The following PPP1R12A variants were observed in gnomAD, a reference collection of about 807,000 sequenced individuals.
PPP1R12A encodes protein phosphatase 1 regulatory subunit 12A, also known as myosin binding subunit.
A neutral mutation model predicts 139.6 loss-of-function variants in PPP1R12A; 19 were observed. The observed-to-expected ratio is 0.14, with a 90% CI of 0.09 to 0.20. PPP1R12A has a LOEUF of 0.20. Ranked by LOEUF, PPP1R12A falls within the 10% of genes least tolerant of loss-of-function variation. The pLI is 1.00. For missense variants in PPP1R12A, 925 were observed against 1,211.5 expected (o/e 0.76, Z 3.51); for synonymous variants, 427 against 420.6 (o/e 1.02, Z -0.19).
At chr12:79,795,092 T>C (rs1872361750) in intron 18 of PPP1R12A, among the ~76,000 whole-genome samples, 1 of 152,114 alleles carries the variant, frequency 6.6e-6, no homozygotes, top group Non-Finnish European at 1.5e-5. Flanking sequence ...ATTATGTTTC[T>C]AAACATGCCA....
At chr12:79,807,124 C>A in intron 12 of PPP1R12A, 102 bp downstream of exon 12, 1 of 619,198 alleles carries the variant, frequency 1.6e-6, no homozygotes, top group Non-Finnish European at 2.7e-6. Flanking sequence ...TTAATAAAAA[C>A]ACATATTTGT....
At chr12:79,876,317 G>C (rs1254811009) in intron 1 of PPP1R12A, among the ~76,000 whole-genome samples, 1 of 152,180 alleles carries the variant, frequency 6.6e-6, no homozygotes, top group East Asian at 1.9e-4. Flanking sequence ...CTGAGAGCAG[G>C]AATTCTGCTG....
intron 5 of PPP1R12A, 87 bp downstream of exon 5, chr12:79,828,233 T>C (rs1365371068): frequency 3.4e-6 from 4 of 1,179,756 alleles, no homozygotes; most frequent in Non-Finnish European, 4.6e-6. Flanking sequence ...GTAATCCTTA[T>C]AACCTTTTGA....
intron 1 of PPP1R12A, among the ~76,000 whole-genome samples, chr12:79,897,283 A>T (rs1885215951): frequency 6.6e-6 from 1 of 152,224 alleles, no homozygotes; most frequent in South Asian, 2.1e-4. Context: ...TCCTAATTGA[A>T]TTAATGCAGG....
chr12:79,847,159 A>G (rs1208501000), intron 2 of PPP1R12A, among the ~76,000 whole-genome samples: 1 of 152,204 alleles, frequency 6.6e-6, no homozygotes, highest in African/African-American at 2.4e-5. Context: ...TACCTCTGCC[A>G]TAAATTTATA....
intron 4 of PPP1R12A, among the ~76,000 whole-genome samples, chr12:79,830,446 A>G (rs964400793): frequency 1.3e-5 from 2 of 152,150 alleles, no homozygotes; most frequent in African/African-American, 4.8e-5. Flanking sequence ...ATTATAAACA[A>G]TGCTGCTAGC....
intron 9 of PPP1R12A, among the ~76,000 whole-genome samples, chr12:79,816,976 T>C (rs1335150529): frequency 6.6e-6 from 1 of 152,136 alleles, no homozygotes; most frequent in Non-Finnish European, 1.5e-5. Flanking sequence ...GGTAGTAGTA[T>C]TTGTAATTTA....
intron 1 of PPP1R12A, among the ~76,000 whole-genome samples, chr12:79,912,692 T>TTA (rs1886676399): frequency 7.4e-6 from 1 of 134,308 alleles, no homozygotes; most frequent in African/African-American, 2.7e-5. Context: ...AAGCCTGATT[T>TTA]AAAAAAAAAA....
intron 2 of PPP1R12A, among the ~76,000 whole-genome samples, chr12:79,856,284 A>G (rs1472652772): frequency 6.6e-6 from 1 of 152,150 alleles, no homozygotes; most frequent in African/African-American, 2.4e-5. Flanking sequence ...ATATTCCACT[A>G]ATGCCTTCTC....
intron 3 of PPP1R12A, among the ~76,000 whole-genome samples, chr12:79,843,705 G>T (rs1235839476): frequency 6.6e-6 from 1 of 151,064 alleles, no homozygotes; most frequent in Non-Finnish European, 1.5e-5. Context: ...GGAGTTGCTG[G>T]ATCATTTTTT....
At position 79,877,608 on chromosome 12, in the gene PPP1R12A, C is replaced by T. The variant is rs577155997; in HGVS notation, c.238-4670G>A. 3.0e-4 allele frequency among the ~76,000 whole-genome samples: 46 copies of T among 152,298 alleles called. 1 individual carries two copies. In the South Asian group the frequency reaches 8.1e-3, roughly 27 times the overall value. ...TCGGCTCAATGCAACCTCCGCCTCC[C>T]GGGTTCAACCGATCCTCTTGCATCA... On this transcript the variant is annotated intron_variant, in intron 1 of 24. Transcript: ENST00000450142.
chr12:79,790,207 G>C (rs2137003740), intron 20 of PPP1R12A, among the ~76,000 whole-genome samples: 1 of 152,212 alleles, frequency 6.6e-6, no homozygotes, highest in South Asian at 2.1e-4. Context: ...TGTTAATAAT[G>C]AGATAGTTGA....
Position 79,807,341 on chromosome 12 carries a change from AAC to A in PPP1R12A, c.1551-13_1551-12del. ...AAACTTGAAGAATCTCTGTTAAAAGAACACCCTTCAGATTCTGGTACATAATT... is the reference window on the plus strand; with the variant it reads ...AAACTTGAAGAATCTCTGTTAAAAGAACCCTTCAGATTCTGGTACATAATT... On this transcript the variant is annotated splice_polypyrimidine_tract_variant and intron_variant, in intron 11 of 24. Transcript: ENST00000450142. The A allele has an allele frequency of 6.9e-7, 1 of 1,457,414 alleles. No individual in the cohort carries two copies. The highest frequency in any genetic ancestry group is 9.4e-7 in the Non-Finnish European group (1 of 1,063,566). The allele number at this position is 1,457,414 out of a possible 1,614,324, so 90.3% of individuals were successfully genotyped here.
intron 9 of PPP1R12A, among the ~76,000 whole-genome samples, chr12:79,816,469 C>T (rs1030401717): frequency 2.6e-5 from 4 of 151,518 alleles, no homozygotes; most frequent in Non-Finnish European, 2.9e-5. Context: ...AAAAAAAGGA[C>T]GGGTGAAGAG....
At chr12:79,887,324 T>C (rs1565798147) in intron 1 of PPP1R12A, among the ~76,000 whole-genome samples, 1 of 152,096 alleles carries the variant, frequency 6.6e-6, no homozygotes, top group African/African-American at 2.4e-5. Flanking sequence ...GGCTAGATTA[T>C]AGTTCCTTAA....
At chr12:79,792,940 T>G (rs1185714929) in intron 19 of PPP1R12A, among the ~76,000 whole-genome samples, 1 of 152,154 alleles carries the variant, frequency 6.6e-6, no homozygotes, top group African/African-American at 2.4e-5. Flanking sequence ...AATAAAATTG[T>G]GGGGTCAAAA....
chr12:79,839,433 T>C (rs1190053305), intron 3 of PPP1R12A, among the ~76,000 whole-genome samples: 1 of 151,932 alleles, frequency 6.6e-6, no homozygotes, highest in Non-Finnish European at 1.5e-5. Flanking sequence ...TGTTATGAAA[T>C]GTGAGGACGT....
intron 1 of PPP1R12A, among the ~76,000 whole-genome samples, chr12:79,906,893 G>A (rs975952109): frequency 5.9e-5 from 9 of 152,174 alleles, no homozygotes; most frequent in Middle Eastern, 3.4e-3. Flanking sequence ...TGATTTGCCC[G>A]CCTCGGCCTC....
At chr12:79,832,290 G>C (rs757427647) in intron 4 of PPP1R12A, 42 bp downstream of exon 4, 2 of 1,525,504 alleles carry the variant, frequency 1.3e-6, no homozygotes, top group East Asian at 2.4e-5. Context: ...GAATAAAGAA[G>C]ACAAACTAAA....
Sources: allele counts gnomAD v4.1 joint callset (sites outside exome capture counted in the v4.1 genomes callset), GRCh38; gene constraint gnomAD v4.1.1; transcripts MANE v1.5; gene names NCBI Gene and HGNC (gene_info 2026-07-23, HGNC 2026-07-21).